AADAT: variants seen among roughly 807,000 people sequenced by gnomAD.
AADAT encodes aminoadipate aminotransferase.
AADAT carries 25 observed loss-of-function variants against 56.2 expected under a neutral mutation model. The observed-to-expected ratio is 0.44, with a 90% CI of 0.32 to 0.62. The LOEUF (loss-of-function observed/expected upper bound fraction) is 0.62, where lower values mean the gene tolerates loss of function less well. AADAT is among the 20% of genes least tolerant of loss of function. AADAT has a pLI of 0.04. For missense variants in AADAT, 387 were observed against 510.5 expected (o/e 0.76, Z 2.33); for synonymous variants, 173 against 164.7 (o/e 1.05, Z -0.39).
chr4:170,090,615 ATAAGAAT>A, upstream of AADAT: 1 of 152,294 alleles, frequency 6.6e-6, no homozygotes, highest in East Asian at 1.9e-4. Flanking sequence ...CTTTCGTTAA[ATAAGAAT>A]TATGTTGGAA....
intron 4 of AADAT, among the ~76,000 whole-genome samples, chr4:170,076,244 T>C (rs1282406301): frequency 6.6e-6 from 1 of 152,082 alleles, no homozygotes. Context: ...ACATATTCAC[T>C]ATTTTTTTTT....
intron 10 of AADAT, among the ~76,000 whole-genome samples, chr4:170,065,737 G>A (rs1268418803): frequency 1.3e-5 from 2 of 152,120 alleles, no homozygotes; most frequent in Admixed American, 6.6e-5. Context: ...CTGACCTCAG[G>A]TGATCCACCC....
At chr4:170,066,530 G>C in intron 9 of AADAT, 52 bp from the exon 10 acceptor site, 3 of 1,328,734 alleles carry the variant, frequency 2.3e-6, no homozygotes, top group Non-Finnish European at 3.3e-6. Flanking sequence ...GATTGCAGAA[G>C]CAAAACAGTC....
At chr4:170,075,737 A>G (rs1053987402) in intron 4 of AADAT, among the ~76,000 whole-genome samples, 5 of 152,188 alleles carry the variant, frequency 3.3e-5, no homozygotes, top group African/African-American at 7.2e-5. Flanking sequence ...CTATTAATCA[A>G]TAACTCTCCA....
chr4:170,060,835 G>C lies in AADAT; in HGVS notation c.*93C>G. 1 of 1,103,362 alleles carries C rather than the reference G, an allele frequency of 9.1e-7. No individual in the cohort carries two copies. Among genetic ancestry groups the C allele is most frequent in the South Asian group, 1.6e-5 (1 of 63,302 alleles). 68.3% of individuals were successfully genotyped at this position (1,103,362 alleles called of 1,614,324 possible). A position where few individuals can be genotyped will look rare whatever the true frequency, so the allele number is the denominator to read the frequency against. ...TGTGATCGTAGCTTACTGCAGCCTT[G>C]AATTCCTGGGTTCAAGTGATCCTCC... On this transcript the variant is annotated 3_prime_UTR_variant, in exon 13 of 13. Coordinates refer to ENST00000337664, the MANE Select transcript of AADAT (RefSeq NM_016228.4).
intron 3 of AADAT, among the ~76,000 whole-genome samples, chr4:170,084,214 T>C (rs1732446521): frequency 6.6e-6 from 1 of 151,936 alleles, no homozygotes; most frequent in Admixed American, 6.5e-5. Flanking sequence ...AGTAGATTGG[T>C]GGTTACCAGA....
intron 5 of AADAT, 136 bp downstream of exon 5, chr4:170,072,998 CAT>C (rs1455721705): frequency 1.4e-6 from 1 of 710,988 alleles, no homozygotes; most frequent in Non-Finnish European, 2.3e-6. Context: ...GGACCCTGAG[CAT>C]ATATGATTTC....
upstream of AADAT, chr4:170,090,472 A>G (rs1317377696): frequency 1.3e-5 from 2 of 152,212 alleles, no homozygotes; most frequent in Non-Finnish European, 1.5e-5. Context: ...CCCGGCGACC[A>G]AGACGAATTT....
chr4:170,087,115 C>A lies in AADAT; in HGVS notation c.369+1G>T. 1 of 1,613,796 alleles carries A rather than the reference C, an allele frequency of 6.2e-7. No individual in the cohort carries two copies. The highest frequency in any genetic ancestry group is 8.5e-7 in the Non-Finnish European group (1 of 1,179,970). Reference sequence around the variant, plus strand: ...TGGCTGAGTTTTCCTTTCAGTCTTACCTTACAAAGACCTTGTTGGCTGCCA... The same window carrying A: ...TGGCTGAGTTTTCCTTTCAGTCTTAACTTACAAAGACCTTGTTGGCTGCCA... On this transcript the variant is annotated splice_donor_variant, in intron 3 of 12. Coordinates refer to ENST00000337664, the MANE Select transcript of AADAT (RefSeq NM_016228.4). LOFTEE classifies it high-confidence loss of function.
At chr4:170,071,032 C>T (rs1389438157) in intron 5 of AADAT, among the ~76,000 whole-genome samples, 1 of 152,228 alleles carries the variant, frequency 6.6e-6, no homozygotes, top group African/African-American at 2.4e-5. Context: ...CCTGCCTCAG[C>T]CTCCTGAGTA....
intron 8 of AADAT, among the ~76,000 whole-genome samples, chr4:170,068,246 G>C (rs576544131): frequency 6.6e-6 from 1 of 152,000 alleles, no homozygotes; most frequent in African/African-American, 2.4e-5. Flanking sequence ...TAAAACATGG[G>C]GCCATCTGCA....
At chr4:170,083,752 G>A (rs1275951552) in intron 3 of AADAT, among the ~76,000 whole-genome samples, 2 of 152,048 alleles carry the variant, frequency 1.3e-5, no homozygotes, top group Non-Finnish European at 2.9e-5. Flanking sequence ...TGCTGATGAG[G>A]GTAGAGAAAG....
chr4:170,070,559 A>G, intron 6 of AADAT, 28 bp downstream of exon 6: 2 of 1,523,448 alleles, frequency 1.3e-6, no homozygotes, highest in African/African-American at 1.4e-5. Flanking sequence ...ATCTTCTAAT[A>G]GTGAAGTAAG....
intron 4 of AADAT, among the ~76,000 whole-genome samples, chr4:170,076,953 G>C (rs963663649): frequency 2.0e-5 from 3 of 152,154 alleles, no homozygotes; most frequent in Non-Finnish European, 4.4e-5. Context: ...CAGCACCACA[G>C]TTGAAGAGAC....
chr4:170,078,599 T>C lies in AADAT; in HGVS notation c.370-16A>G, dbSNP rs1319556888. ...TTTCAAACACCTAACAAAAGAAGCATAGGTTAGCTTGTTAGTCAGCATAGG... is the reference window on the plus strand; with the variant it reads ...TTTCAAACACCTAACAAAAGAAGCACAGGTTAGCTTGTTAGTCAGCATAGG... On this transcript the variant is annotated splice_polypyrimidine_tract_variant and intron_variant, in intron 3 of 12. Coordinates refer to ENST00000337664, the MANE Select transcript of AADAT (RefSeq NM_016228.4). The C allele has an allele frequency of 7.0e-6, 11 of 1,581,098 alleles. No individual in the cohort carries two copies. The highest frequency in any genetic ancestry group is 3.4e-5 in the Admixed American group (2 of 58,084).
chr4:170,089,587 C>T, intron 1 of AADAT, 37 bp downstream of exon 1: 1 of 1,612,774 alleles, frequency 6.2e-7, no homozygotes, highest in Non-Finnish European at 8.5e-7. Context: ...CGAGGAATGC[C>T]CCACCCCAAA....
At chr4:170,070,519 C>A in intron 6 of AADAT, 68 bp downstream of exon 6, 1 of 1,158,082 alleles carries the variant, frequency 8.6e-7, no homozygotes. Flanking sequence ...AGCCTAATAC[C>A]CAACACAGTG....
chr4:170,074,309 T>C (rs1176696693), intron 4 of AADAT, among the ~76,000 whole-genome samples: 1 of 152,100 alleles, frequency 6.6e-6, no homozygotes, highest in Non-Finnish European at 1.5e-5. Flanking sequence ...GTCACCCAGG[T>C]ACTGAGCATA....
chr4:170,090,385 T>C (rs1049485909), upstream of AADAT: 1 of 152,210 alleles, frequency 6.6e-6, no homozygotes, highest in Admixed American at 6.5e-5. Context: ...GACTGTGCAT[T>C]TTGCCCGCTC....
Sources: allele counts gnomAD v4.1 joint callset (sites outside exome capture counted in the v4.1 genomes callset), GRCh38; gene constraint gnomAD v4.1.1; transcripts MANE v1.5; gene names NCBI Gene and HGNC (gene_info 2026-07-23, HGNC 2026-07-21).